The following PIK3CB variants were observed in gnomAD, a reference collection of about 807,000 sequenced individuals.
The protein encoded by PIK3CB is phosphatidylinositol 4,5-bisphosphate 3-kinase catalytic subunit beta isoform.
A neutral mutation model predicts 136.8 loss-of-function variants in PIK3CB; 39 were observed. The ratio of observed to expected loss-of-function variants is 0.29; its 90% CI spans 0.22 to 0.37. The LOEUF (loss-of-function observed/expected upper bound fraction) is 0.37, where lower values mean the gene tolerates loss of function less well. PIK3CB is among the 10% of genes least tolerant of loss of function. PIK3CB has a pLI of 1.00. For missense variants in PIK3CB, 868 were observed against 1,275.4 expected (o/e 0.68, Z 4.87); for synonymous variants, 428 against 436.6 (o/e 0.98, Z 0.25).
intron 2 of PIK3CB, among the ~76,000 whole-genome samples, chr3:138,767,741 G>T (rs1050396284): frequency 1.3e-5 from 2 of 152,160 alleles, no homozygotes; most frequent in African/African-American, 4.8e-5. Flanking sequence ...TCTCCCTGAG[G>T]CTACGGCTGG....
intron 2 of PIK3CB, among the ~76,000 whole-genome samples, chr3:138,764,111 CAAAAAAAA>C (rs143635044): frequency 3.8e-5 from 3 of 79,008 alleles, no homozygotes; most frequent in Non-Finnish European, 2.7e-5. Context: ...ACTCCATCTC[CAAAAAAAA>C]AAAAAAAAAA....
intron 22 of PIK3CB, 74 bp from the exon 23 acceptor site, chr3:138,656,348 A>G (rs2043191787): frequency 6.8e-7 from 1 of 1,476,038 alleles, no homozygotes. Flanking sequence ...GGAAATTAAG[A>G]AAACACAGCT....
chr3:138,766,608 A>G (rs1434204085), intron 2 of PIK3CB, among the ~76,000 whole-genome samples: 2 of 152,204 alleles, frequency 1.3e-5, no homozygotes, highest in Non-Finnish European at 2.9e-5. Flanking sequence ...GCCCATGCTT[A>G]AAAATAGAAA....
intron 2 of PIK3CB, among the ~76,000 whole-genome samples, chr3:138,788,976 A>AG: frequency 7.1e-6 from 1 of 141,070 alleles, no homozygotes; most frequent in African/African-American, 3.1e-5. Flanking sequence ...AAAAAAAAAA[A>AG]AAAAAAAAAA....
intron 8 of PIK3CB, among the ~76,000 whole-genome samples, chr3:138,725,003 G>A (rs978021660): frequency 5.3e-5 from 8 of 152,046 alleles, no homozygotes; most frequent in Admixed American, 2.6e-4. Context: ...AGGAAAATAC[G>A]GGGAAGGTGT....
rs572066400 is a variant in PIK3CB at position 138,829,609 on chromosome 3, G to A, written c.-122+5086C>T. The stretch of plus-strand genomic sequence containing the variant: ...CAAACAGGATGGTGAGTGGGGCAGC[G>A]GGGTGCTACGACATGAAAACTGCTA... On this transcript the variant is annotated intron_variant, in intron 1 of 23. Transcript: ENST00000674063. 2.4e-4 allele frequency among the ~76,000 whole-genome samples: 36 copies of A among 152,234 alleles called. No homozygotes were observed. In the East Asian group the frequency reaches 3.1e-3, roughly 13 times the overall value.
chr3:138,829,755 C>T (rs909728347), intron 1 of PIK3CB, among the ~76,000 whole-genome samples: 1 of 152,028 alleles, frequency 6.6e-6, no homozygotes, highest in African/African-American at 2.4e-5. Context: ...CCACTGTACT[C>T]CAGCCTGGGC....
chr3:138,816,333 C>T (rs958862372), intron 1 of PIK3CB, among the ~76,000 whole-genome samples: 1 of 152,054 alleles, frequency 6.6e-6, no homozygotes, highest in Non-Finnish European at 1.5e-5. Flanking sequence ...GTGGCTCACG[C>T]CTATAATTCC....
intron 1 of PIK3CB, among the ~76,000 whole-genome samples, chr3:138,820,546 T>C (rs955211303): frequency 6.6e-6 from 1 of 152,150 alleles, no homozygotes; most frequent in Non-Finnish European, 1.5e-5. Context: ...CAGGCTGGAG[T>C]GCAGTGGTGC....
chr3:138,699,493 A>T (rs1263874482), intron 12 of PIK3CB, among the ~76,000 whole-genome samples: 1 of 152,122 alleles, frequency 6.6e-6, no homozygotes, highest in Admixed American at 6.6e-5. Context: ...TTTACAAAAA[A>T]TACAAAATAC....
intron 1 of PIK3CB, among the ~76,000 whole-genome samples, chr3:138,821,152 G>C (rs1282457202): frequency 6.6e-6 from 1 of 151,990 alleles, no homozygotes; most frequent in East Asian, 1.9e-4. Context: ...GGGCGTGGTG[G>C]TGCGTGCCTG....
intron 1 of PIK3CB, among the ~76,000 whole-genome samples, chr3:138,811,240 CAAAAAAAAAAAA>C (rs558228212): frequency 0.045 from 1,066 of 23,472 alleles, 37 homozygotes; most frequent in African/African-American, 0.15. Flanking sequence ...AAGACTCTGC[CAAAAAAAAAAAA>C]AAAAAAAAAA....
chr3:138,800,755 CCTGGGATT>C (rs1293772145), intron 1 of PIK3CB, among the ~76,000 whole-genome samples: 3 of 151,736 alleles, frequency 2.0e-5, no homozygotes, highest in Non-Finnish European at 4.4e-5. Context: ...CTCCTGAGTA[CCTGGGATT>C]ACAGGTGTGT....
chr3:138,826,856 G>A (rs1403950636), intron 1 of PIK3CB, among the ~76,000 whole-genome samples: 1 of 152,042 alleles, frequency 6.6e-6, no homozygotes, highest in Non-Finnish European at 1.5e-5. Flanking sequence ...ATCGCCTGAG[G>A]TCAGGAGTTC....
Position 138,664,022 on chromosome 3 carries a change from G to C in PIK3CB, c.2680C>G (p.Leu894Val). 2 of 1,613,396 alleles carry C rather than the reference G, an allele frequency of 1.2e-6. No individual in the cohort carries two copies. Among genetic ancestry groups the C allele is most frequent in the African/African-American group, 2.7e-5 (2 of 74,942 alleles). ...WLKEYNSGDDLDRAIEEFTLS... is the reference protein window; with the variant it reads ...WLKEYNSGDDVDRAIEEFTLS... ...GTAAATTCCTCAATGGCTCGGTCCA[G>C]GTCATCCCTGAACAAGAGAAAAGAA... Residue 894 changes from leucine to valine, a missense_variant, in exon 21 of 24, where the codon CTG becomes GTG. Physicochemically the swap from Leu to Val is conservative, Grantham distance 32. Coordinates refer to ENST00000674063, the MANE Select transcript of PIK3CB (RefSeq NM_006219.3).
chr3:138,680,355 C>CAA (rs1043067820), intron 19 of PIK3CB, among the ~76,000 whole-genome samples: 2 of 123,568 alleles, frequency 1.6e-5, no homozygotes, highest in Non-Finnish European at 3.5e-5. Flanking sequence ...GAGACTGTCT[C>CAA]AAAAAAAAAA....
At chr3:138,689,579 AC>A (rs1414801857) in intron 15 of PIK3CB, among the ~76,000 whole-genome samples, 1 of 152,208 alleles carries the variant, frequency 6.6e-6, no homozygotes, top group African/African-American at 2.4e-5. Flanking sequence ...ATGAGCCACC[AC>A]GCCTGGCTAC....
chr3:138,721,525 T>C (rs550750614), intron 8 of PIK3CB, among the ~76,000 whole-genome samples: 51 of 152,196 alleles, frequency 3.4e-4, no homozygotes, highest in Non-Finnish European at 8.8e-5. Context: ...TATATGTATA[T>C]ACACTTTGAT....
intron 1 of PIK3CB, among the ~76,000 whole-genome samples, chr3:138,830,504 G>A (rs1933980078): frequency 6.6e-6 from 1 of 151,914 alleles, no homozygotes; most frequent in Admixed American, 6.6e-5. Context: ...AGCGAGCCAA[G>A]ATGGCGCCAC....
Sources: allele counts gnomAD v4.1 joint callset (sites outside exome capture counted in the v4.1 genomes callset), GRCh38; gene constraint gnomAD v4.1.1; transcripts MANE v1.5; gene names NCBI Gene and HGNC (gene_info 2026-07-23, HGNC 2026-07-21).